Variants in NCAPG2 observed in about 807,000 individuals in gnomAD.
NCAPG2 encodes non-SMC condensin II complex subunit G2.
NCAPG2 carries 53 observed loss-of-function variants against 141.1 expected under a neutral mutation model. That is an observed-to-expected ratio of 0.38 (90% CI 0.30 to 0.47). The LOEUF (loss-of-function observed/expected upper bound fraction) is 0.47, where lower values mean the gene tolerates loss of function less well. Ranked by LOEUF, NCAPG2 falls within the 20% of genes least tolerant of loss-of-function variation. The pLI is 0.99. For synonymous variants in NCAPG2, 499 were observed against 490.7 expected (o/e 1.02, Z -0.22); for missense variants, 1,087 against 1,389.0 (o/e 0.78, Z 3.46).
rs1829992845 is a variant in NCAPG2 at position 158,633,174 on chromosome 7, C to G, written c.3381-1457G>C. On this transcript the variant is annotated intron_variant, in intron 27 of 27. Coordinates refer to ENST00000356309, the MANE Select transcript of NCAPG2 (RefSeq NM_017760.7). The surrounding 1 kb of genome is among the most constrained non-coding windows in gnomAD (Gnocchi z 4.1). The stretch of plus-strand genomic sequence containing the variant: ...TATCGTTGTTGAATCACTGCTTCTC[C>G]TTGCTGTTAGGTCTCTCGGGCCTTT... Among the ~76,000 whole-genome samples, 1 of 152,106 alleles carries G rather than the reference C, an allele frequency of 6.6e-6. No homozygotes were observed. Among genetic ancestry groups the G allele is most frequent in the Admixed American group, 6.5e-5 (1 of 15,272 alleles).
chr7:158,638,761 A>G (rs1195443126), intron 27 of NCAPG2, among the ~76,000 whole-genome samples: 1 of 152,194 alleles, frequency 6.6e-6, no homozygotes, highest in Non-Finnish European at 1.5e-5. Flanking sequence ...TAAGTAACAA[A>G]AAATCAGTAA....
At chr7:158,638,131 G>A (rs191451625) in intron 27 of NCAPG2, among the ~76,000 whole-genome samples, 96 of 152,198 alleles carry the variant, frequency 6.3e-4, no homozygotes, top group Non-Finnish European at 1.5e-4. Context: ...ATAACAGAGG[G>A]AGACTCTTGT....
At chr7:158,693,284 C>G in intron 3 of NCAPG2, 25 bp downstream of exon 3, 1 of 1,585,098 alleles carries the variant, frequency 6.3e-7, no homozygotes, top group East Asian at 2.2e-5. Context: ...AAAAACGTTT[C>G]TTATTTTTGA....
intron 2 of NCAPG2, among the ~76,000 whole-genome samples, chr7:158,696,911 T>C (rs1835483124): frequency 6.6e-6 from 1 of 152,194 alleles, no homozygotes; most frequent in East Asian, 1.9e-4. Flanking sequence ...ACCACATATA[T>C]GAGAGTGGTC....
chr7:158,651,004 AC>A (rs1414763516), intron 23 of NCAPG2, 32 bp from the exon 24 acceptor site: 2 of 1,535,074 alleles, frequency 1.3e-6, no homozygotes, highest in Non-Finnish European at 1.7e-6. Flanking sequence ...ACTTTTAATG[AC>A]TAAAAACCAT....
Position 158,690,535 on chromosome 7 carries a change from C to A in NCAPG2, c.537+33G>T, listed in dbSNP as rs370902393. The A allele has an allele frequency of 1.9e-3, 3,092 of 1,595,822 alleles. 3 individuals are homozygous for A. The highest frequency in any genetic ancestry group is 2.4e-3 in the Non-Finnish European group (2,782 of 1,164,722). ...ACTCCATCTGGGCAATAGAGAGAGA[C>A]CCTGTCTTTAAAAAAATAAAAAGTG... On this transcript the variant is annotated intron_variant, in intron 5 of 27. Transcript: ENST00000356309.
At chr7:158,669,768 CAAAAAAAAA>C (rs567875836) in intron 13 of NCAPG2, among the ~76,000 whole-genome samples, 29 of 53,682 alleles carry the variant, frequency 5.4e-4, no homozygotes, top group African/African-American at 1.6e-3. Flanking sequence ...GACTCTGTCT[CAAAAAAAAA>C]AAAAAAAAAA....
intron 13 of NCAPG2, chr7:158,668,442 T>A (rs1185482513): frequency 3.1e-6 from 3 of 982,026 alleles, no homozygotes; most frequent in South Asian, 4.7e-5. Context: ...ATTCTTTTTT[T>A]ATAAAATAAT....
chr7:158,650,364 T>C (rs1831396313), intron 24 of NCAPG2, among the ~76,000 whole-genome samples: 1 of 152,146 alleles, frequency 6.6e-6, no homozygotes, highest in African/African-American at 2.4e-5. Flanking sequence ...ATTAGAAGGT[T>C]GAACATCCTA....
Position 158,656,248 on chromosome 7 carries a change from G to A in NCAPG2, c.2388+12C>T. On this transcript the variant is annotated intron_variant, in intron 19 of 27. Coordinates refer to ENST00000356309, the MANE Select transcript of NCAPG2 (RefSeq NM_017760.7). The stretch of plus-strand genomic sequence containing the variant: ...CATAGGAAACCACTCAACTCTCAGG[G>A]CACAGAGTTACCTTTGACGTTTCAA... The A allele has an allele frequency of 6.2e-7, 1 of 1,612,814 alleles. No individual in the cohort carries two copies. Among genetic ancestry groups the A allele is most frequent in the Non-Finnish European group, 8.5e-7 (1 of 1,179,302 alleles).
At chr7:158,637,092 C>G (rs574296625) in intron 27 of NCAPG2, among the ~76,000 whole-genome samples, 1 of 151,994 alleles carries the variant, frequency 6.6e-6, no homozygotes, top group Non-Finnish European at 1.5e-5. Context: ...GGACTACAGG[C>G]GCCCGCCACC....
At chr7:158,690,531 G>A (rs764532997) in intron 5 of NCAPG2, 37 bp downstream of exon 5, 2 of 1,590,940 alleles carry the variant, frequency 1.3e-6, no homozygotes, top group African/African-American at 1.3e-5. Context: ...GCAATAGAGA[G>A]AGACCCTGTC....
chr7:158,673,342 C>G (rs974976886), intron 12 of NCAPG2, among the ~76,000 whole-genome samples: 21 of 152,272 alleles, frequency 1.4e-4, no homozygotes, highest in Admixed American at 9.8e-4. Flanking sequence ...AACCAAGGCC[C>G]CATCAGAAAT....
At chr7:158,673,933 T>C (rs1338812058) in intron 12 of NCAPG2, among the ~76,000 whole-genome samples, 1 of 152,168 alleles carries the variant, frequency 6.6e-6, no homozygotes, top group Non-Finnish European at 1.5e-5. Flanking sequence ...TCTAGAGAAG[T>C]GGTCATGTGA....
At chr7:158,673,003 T>C (rs1280670526) in intron 12 of NCAPG2, among the ~76,000 whole-genome samples, 3 of 152,096 alleles carry the variant, frequency 2.0e-5, no homozygotes, top group Non-Finnish European at 4.4e-5. Context: ...CCTGCAAGGG[T>C]TTCCTCAGAA....
chr7:158,643,757 C>T lies in NCAPG2; in HGVS notation c.3380+532G>A, dbSNP rs543435239. 4.6e-5 allele frequency among the ~76,000 whole-genome samples: 7 copies of T among 152,240 alleles called. No individual in the cohort carries two copies. In the South Asian group the frequency reaches 1.2e-3, roughly 27 times the overall value. The stretch of plus-strand genomic sequence containing the variant: ...CTAAAAGTCAAACACAATTCAAAAC[C>T]GAGTCTATAGTAAAATGCAGAGCAT... On this transcript the variant is annotated intron_variant, in intron 27 of 27. Transcript: ENST00000356309.
intron 13 of NCAPG2, among the ~76,000 whole-genome samples, chr7:158,667,509 G>A (rs1345748756): frequency 9.1e-6 from 1 of 109,488 alleles, no homozygotes; most frequent in African/African-American, 3.5e-5. Flanking sequence ...CCCACTACTG[G>A]GTCCCTCCGC....
At chr7:158,675,701 C>A in intron 11 of NCAPG2, 45 bp from the exon 12 acceptor site, 19 of 1,574,106 alleles carry the variant, frequency 1.2e-5, no homozygotes, top group Non-Finnish European at 1.6e-5. Context: ...TGACTTATTT[C>A]CCGAAATCCA....
chr7:158,692,969 A>G lies in NCAPG2; in HGVS notation c.268-13T>C. ...CTATGCTTTTTCTCTATAAATGAAA[A>G]ATCAAAGCATGAGTGAATTAAAATC... On this transcript the variant is annotated splice_polypyrimidine_tract_variant and intron_variant, in intron 3 of 27. Coordinates refer to ENST00000356309, the MANE Select transcript of NCAPG2 (RefSeq NM_017760.7). 6.8e-7 allele frequency: 1 copy of G among 1,462,714 alleles called. No homozygotes were observed. The highest frequency in any genetic ancestry group is 9.4e-7 in the Non-Finnish European group (1 of 1,061,912). 90.6% of individuals were successfully genotyped at this position (1,462,714 alleles called of 1,614,324 possible).
Sources: allele counts gnomAD v4.1 joint callset (sites outside exome capture counted in the v4.1 genomes callset), GRCh38; gene constraint gnomAD v4.1.1; non-coding constraint Gnocchi (gnomAD v3.1); transcripts MANE v1.5; gene names NCBI Gene and HGNC (gene_info 2026-07-23, HGNC 2026-07-21).